The following INTS9 variants were observed in gnomAD, a reference collection of about 807,000 sequenced individuals.
The protein encoded by INTS9 is integrator complex subunit 9, also known as protein related to CPSF subunits of 74 kDa.
In INTS9, 55 loss-of-function variants were observed where a neutral mutation model predicts 79.7. The ratio of observed to expected loss-of-function variants is 0.69; its 90% CI spans 0.56 to 0.86. INTS9 has a LOEUF of 0.86. Ranked by LOEUF, INTS9 falls within the 40% of genes least tolerant of loss-of-function variation. INTS9 has a pLI of 0.00. For synonymous variants in INTS9, 319 were observed against 325.2 expected, an observed-to-expected ratio of 0.98 and a Z score of 0.20; for missense variants, 721 against 831.5, an observed-to-expected ratio of 0.87 and a Z score of 1.64.
chr8:28,850,757 C>T (rs928332584), intron 2 of INTS9, among the ~76,000 whole-genome samples: 2 of 152,334 alleles, frequency 1.3e-5, no homozygotes, highest in African/African-American at 4.8e-5. Flanking sequence ...CCAGTCCAAT[C>T]CACGCTTTGG....
intron 16 of INTS9, 187 bp downstream of exon 16, chr8:28,769,702 G>C (rs1802415863): frequency 1.5e-6 from 1 of 681,230 alleles, no homozygotes; most frequent in Non-Finnish European, 2.4e-6. Flanking sequence ...GGAAGGATGG[G>C]GCACTCCTCA....
intron 8 of INTS9, among the ~76,000 whole-genome samples, chr8:28,810,733 A>C (rs1461962274): frequency 6.6e-6 from 1 of 152,172 alleles, no homozygotes; most frequent in Non-Finnish European, 1.5e-5. Context: ...TTACAAACAT[A>C]GAAATAACCA....
At chr8:28,882,889 T>C (rs542137999) in intron 1 of INTS9, among the ~76,000 whole-genome samples, 38 of 152,230 alleles carry the variant, frequency 2.5e-4, no homozygotes, top group Non-Finnish European at 4.7e-4. Context: ...AAACCTGTTG[T>C]TTTTCTCACA....
chr8:28,837,673 G>A lies in INTS9; in HGVS notation c.365C>T (p.Thr122Ile), dbSNP rs1806891952. 7.4e-6 allele frequency: 12 copies of A among 1,613,604 alleles called. No homozygotes were observed. Among genetic ancestry groups the A allele is most frequent in the Admixed American group, 1.7e-5 (1 of 60,002 alleles). ...YITEHTGFTGTVYATEPTVQI... is the reference protein window; with the variant it reads ...YITEHTGFTGIVYATEPTVQI... ...GACGGTGGGTTCCGTGGCATACACT[G>A]TGCCTGTGAAGCCGGTGTGCTCGGT... is the stretch of plus-strand genomic sequence containing the variant. Residue 122 changes from threonine to isoleucine, a missense_variant, in exon 5 of 17, where the codon ACA becomes ATA. Around this residue, in one of 3 missense-constraint regions of INTS9, gnomAD observed 291 missense variants for 307.0 expected, o/e 0.95. Transcript: ENST00000521022.
chr8:28,838,118 G>A (rs1468654201), intron 4 of INTS9, among the ~76,000 whole-genome samples: 2 of 152,070 alleles, frequency 1.3e-5, no homozygotes, highest in East Asian at 3.9e-4. Flanking sequence ...CAAGCAGAGA[G>A]AGCAGCATAC....
At chr8:28,793,021 A>C (rs184502282) in intron 10 of INTS9, among the ~76,000 whole-genome samples, 1 of 152,320 alleles carries the variant, frequency 6.6e-6, no homozygotes, top group Admixed American at 6.5e-5. Flanking sequence ...GAATGAAAAA[A>C]GTACTTTACA....
At chr8:28,830,538 C>T (rs1037721955) in intron 6 of INTS9, among the ~76,000 whole-genome samples, 1 of 151,204 alleles carries the variant, frequency 6.6e-6, no homozygotes, top group Non-Finnish European at 1.5e-5. Flanking sequence ...ACGGGAGAAT[C>T]GCTTGAACCC....
intron 6 of INTS9, among the ~76,000 whole-genome samples, chr8:28,828,702 C>CTT (rs796567590): frequency 1.4e-5 from 2 of 145,076 alleles, no homozygotes; most frequent in Non-Finnish European, 3.0e-5. Context: ...GGTTTTAAGT[C>CTT]TTTTTTTTTT....
At chr8:28,856,974 T>C (rs1157255394) in intron 2 of INTS9, among the ~76,000 whole-genome samples, 2 of 152,226 alleles carry the variant, frequency 1.3e-5, no homozygotes, top group Admixed American at 1.3e-4. Context: ...ATGCGGTATT[T>C]GGTTTTCTAT....
chr8:28,848,063 T>C (rs1807628484), intron 3 of INTS9, among the ~76,000 whole-genome samples: 1 of 152,238 alleles, frequency 6.6e-6, no homozygotes, highest in African/African-American at 2.4e-5. Context: ...CAATAGGGTC[T>C]GCTACGATGC....
chr8:28,838,723 G>A (rs980408782), intron 4 of INTS9, among the ~76,000 whole-genome samples: 16 of 152,108 alleles, frequency 1.1e-4, no homozygotes, highest in African/African-American at 3.6e-4. Context: ...TTTTCACCAT[G>A]TTGGCCAAGC....
intron 14 of INTS9, among the ~76,000 whole-genome samples, chr8:28,775,347 T>A (rs1802804269): frequency 6.6e-6 from 1 of 152,192 alleles, no homozygotes; most frequent in Non-Finnish European, 1.5e-5. Context: ...ATGTTCTTTG[T>A]TCATTCATAC....
intron 4 of INTS9, among the ~76,000 whole-genome samples, chr8:28,840,967 AAAAG>A (rs1807148378): frequency 6.6e-6 from 1 of 151,882 alleles, no homozygotes; most frequent in Non-Finnish European, 1.5e-5. Context: ...AGTAAAAAAA[AAAAG>A]AAAGAAAGAT....
chr8:28,880,540 T>C (rs921488393), intron 1 of INTS9, among the ~76,000 whole-genome samples: 7 of 151,656 alleles, frequency 4.6e-5, no homozygotes, highest in Non-Finnish European at 1.0e-4. Context: ...GGATTGCAGA[T>C]GGAGTCTCGT....
intron 12 of INTS9, among the ~76,000 whole-genome samples, chr8:28,778,871 T>C (rs1407660744): frequency 6.6e-6 from 1 of 152,164 alleles, no homozygotes; most frequent in Non-Finnish European, 1.5e-5. Flanking sequence ...ATTGTGCTTC[T>C]CTGAGAATAC....
rs371855446 is a variant in INTS9, at chr8:28,867,764, A to G, written c.10-8201T>C. Among the ~76,000 whole-genome samples, 9 of 150,896 alleles carry G rather than the reference A, an allele frequency of 6.0e-5. No homozygotes were observed. The South Asian group carries it at 1.9e-3, about 32-fold the overall frequency. ...AGAACCATAGACTAAAACATCATCT[A>G]TGTTCTTTTCTCTAGTCTTGTTTAA... On this transcript the variant is annotated intron_variant, in intron 1 of 16. Coordinates refer to ENST00000521022, the MANE Select transcript of INTS9 (RefSeq NM_018250.4).
At chr8:28,880,480 C>G (rs1158282221) in intron 1 of INTS9, among the ~76,000 whole-genome samples, 1 of 152,048 alleles carries the variant, frequency 6.6e-6, no homozygotes, top group African/African-American at 2.4e-5. Context: ...GGGCTGGTCT[C>G]CAGCTCCTAA....
intron 1 of INTS9, among the ~76,000 whole-genome samples, chr8:28,873,011 A>G (rs1375892694): frequency 6.6e-6 from 1 of 151,946 alleles, no homozygotes; most frequent in Non-Finnish European, 1.5e-5. Context: ...CAGGACTCAG[A>G]AGTATATTCT....
intron 1 of INTS9, among the ~76,000 whole-genome samples, chr8:28,882,407 C>T (rs1286919664): frequency 2.1e-5 from 3 of 143,036 alleles, no homozygotes; most frequent in Non-Finnish European, 4.6e-5. Context: ...CCACTATTGT[C>T]CTATGACCCT....
Sources: gnomAD v4.1 joint callset for allele counts (sites outside exome capture counted in the v4.1 genomes callset) on GRCh38, gnomAD v4.1.1 for gene constraint, gnomAD v4.1.1 regional missense constraint, MANE v1.5 for transcripts, NCBI Gene and HGNC (gene_info 2026-07-23, HGNC 2026-07-21) for gene names.